The following HAUS4 variants were observed in gnomAD, a reference collection of about 807,000 sequenced individuals.
HAUS4 encodes HAUS augmin like complex subunit 4.
Under a neutral mutation model 50.6 loss-of-function variants are expected in HAUS4, and 34 were observed. The observed-to-expected ratio is 0.67, with a 90% CI of 0.51 to 0.90. HAUS4 has a LOEUF of 0.90. Ranked by LOEUF, HAUS4 falls within the 40% of genes least tolerant of loss-of-function variation. The pLI, the probability that HAUS4 is intolerant of heterozygous loss-of-function variation, is 0.00. For missense variants in HAUS4, 370 were observed against 428.7 expected (o/e 0.86, Z 1.21); for synonymous variants, 149 against 161.4 (o/e 0.92, Z 0.58).
intron 4 of HAUS4, 97 bp from the exon 5 acceptor site, chr14:22,951,786 A>C (rs946612859): frequency 1.8e-6 from 2 of 1,130,820 alleles, no homozygotes; most frequent in African/African-American, 3.1e-5. Flanking sequence ...ACATATTTTC[A>C]AAGTCCTCAA....
intron 2 of HAUS4, among the ~76,000 whole-genome samples, chr14:22,954,882 C>T (rs1468686286): frequency 6.6e-6 from 1 of 152,002 alleles, no homozygotes; most frequent in Non-Finnish European, 1.5e-5. Context: ...CCCACCACCA[C>T]GCCCAGCTAA....
intron 7 of HAUS4, 53 bp downstream of exon 7, chr14:22,947,815 A>G (rs2044672214): frequency 5.6e-6 from 9 of 1,610,934 alleles, no homozygotes; most frequent in Non-Finnish European, 7.6e-6. Context: ...CTTCCCCAAA[A>G]GTGCTCCTGG....
intron 6 of HAUS4, among the ~76,000 whole-genome samples, chr14:22,948,636 A>G (rs563594459): frequency 1.7e-4 from 25 of 149,976 alleles, no homozygotes; most frequent in African/African-American, 6.1e-4. Flanking sequence ...CCCAGGTTCA[A>G]CCAATTCTCC....
intron 6 of HAUS4, 38 bp from the exon 7 acceptor site, chr14:22,948,051 A>C: frequency 6.4e-7 from 1 of 1,551,488 alleles, no homozygotes; most frequent in Non-Finnish European, 8.7e-7. Context: ...GAAAACCCTA[A>C]TCGCTACAAT....
intron 8 of HAUS4, 21 bp downstream of exon 8, chr14:22,947,580 T>C (rs1387746088): frequency 6.2e-7 from 1 of 1,613,338 alleles, no homozygotes; most frequent in Middle Eastern, 1.7e-4. Flanking sequence ...TCCCTTAAGA[T>C]CCACAGGGGT....
chr14:22,948,440 TAA>T (rs35960690), intron 6 of HAUS4, among the ~76,000 whole-genome samples: 6 of 76,970 alleles, frequency 7.8e-5, no homozygotes, highest in Admixed American at 1.6e-4. Flanking sequence ...ACAGAGTTTT[TAA>T]AAAAAAAAAA....
In HAUS4 at chr14:22,947,217, A is replaced by G; in HGVS notation, c.862T>C (p.Ser288Pro). ...KLRMEELKIL[S>P]DTYTVEKVEV... The stretch of plus-strand genomic sequence containing the variant: ...ACTTTCTCAACAGTGTAAGTGTCGG[A>G]CAAAATCTTTAGCTCCTCCATCCTG... The change falls in exon 9 of 10, where the codon TCC becomes CCC. Residue 288 changes from serine to proline, a missense_variant. Transcript: ENST00000541587. 1 of 1,609,580 alleles carries G rather than the reference A, an allele frequency of 6.2e-7. No homozygotes were observed. Among genetic ancestry groups the G allele is most frequent in the Non-Finnish European group, 8.5e-7 (1 of 1,175,814 alleles).
chr14:22,950,373 A>G lies in HAUS4; in HGVS notation c.503T>C (p.Val168Ala). Residue 168 changes from valine to alanine, a missense_variant, in exon 6 of 10, where the codon GTA becomes GCA. Physicochemically the swap from Val to Ala is moderately conservative, Grantham distance 64 (BLOSUM62 0). Transcript: ENST00000541587. The part of the protein sequence containing the change: ...VWMRARLQQE[V>A]EEQLKKKCFT... ...ACATTTCTTTTTGAGCTGCTCCTCTACTTCTTGCTGTAGCCGAGCCCTCAT... is the reference window on the plus strand; with the variant it reads ...ACATTTCTTTTTGAGCTGCTCCTCTGCTTCTTGCTGTAGCCGAGCCCTCAT... The G allele has an allele frequency of 6.2e-7, 1 of 1,613,294 alleles. No homozygotes were observed. The highest frequency in any genetic ancestry group is 1.1e-5 in the South Asian group (1 of 91,056).
chr14:22,951,812 T>C, intron 4 of HAUS4, 123 bp from the exon 5 acceptor site: 1 of 799,940 alleles, frequency 1.3e-6, no homozygotes, highest in Non-Finnish European at 1.9e-6. Context: ...TCATCCCCCC[T>C]CAGATAACTC....
chr14:22,952,489 CCT>C (rs1393392280), intron 3 of HAUS4, 30 bp from the exon 4 acceptor site: 2 of 1,613,608 alleles, frequency 1.2e-6, no homozygotes, highest in Non-Finnish European at 1.7e-6. Flanking sequence ...CAGGTAGGAA[CCT>C]CTCTCTCAGG....
At position 22,952,729 on chromosome 14, in the gene HAUS4, G is replaced by C. The variant is rs761609257; in HGVS notation, c.56-46C>G. On this transcript the variant is annotated intron_variant, in intron 2 of 9. Coordinates refer to ENST00000541587, the MANE Select transcript of HAUS4 (RefSeq NM_001166269.2). Reference sequence around the variant, plus strand: ...GGTACAAAAAAACAAAAAAGGTGTGGACTCTTACTTTACATAACTGAGCAT... The same window carrying C: ...GGTACAAAAAAACAAAAAAGGTGTGCACTCTTACTTTACATAACTGAGCAT... 1.1e-5 allele frequency: 16 copies of C among 1,504,798 alleles called. 1 individual carries two copies. The South Asian group carries it at 2.1e-4, about 20-fold the overall frequency. 93.2% of individuals were successfully genotyped at this position (1,504,798 alleles called of 1,614,324 possible). A position where few individuals can be genotyped will look rare whatever the true frequency, so the allele number is the denominator to read the frequency against.
intron 6 of HAUS4, among the ~76,000 whole-genome samples, chr14:22,948,488 T>C (rs897826592): frequency 1.1e-4 from 17 of 151,108 alleles, no homozygotes; most frequent in African/African-American, 4.1e-4. Context: ...CTCATAATTA[T>C]TAAATAAATT....
In HAUS4 at chr14:22,951,706, A is replaced by G. The variant is rs772698422; in HGVS notation, c.331-17T>C. On this transcript the variant is annotated splice_polypyrimidine_tract_variant and intron_variant, in intron 4 of 9. Coordinates refer to ENST00000541587, the MANE Select transcript of HAUS4 (RefSeq NM_001166269.2). ...CTCATGAAACTGAGAGAGAGAGAAT[A>G]AAAAACAAAAAGAGGCAACTATAAA... 6 of 1,578,622 alleles carry G rather than the reference A, an allele frequency of 3.8e-6. No individual in the cohort carries two copies. The African/African-American group carries it at 8.2e-5, about 22-fold the overall frequency.
intron 2 of HAUS4, 127 bp downstream of exon 2, chr14:22,954,973 C>T (rs993283493): frequency 1.1e-5 from 8 of 745,106 alleles, no homozygotes; most frequent in South Asian, 1.0e-4. Flanking sequence ...GATCCACCCA[C>T]CTCAGCCTCC....
At chr14:22,949,698 C>T (rs1324904518) in intron 6 of HAUS4, among the ~76,000 whole-genome samples, 4 of 152,096 alleles carry the variant, frequency 2.6e-5, no homozygotes, top group Non-Finnish European at 4.4e-5. Context: ...CAAGCTTATA[C>T]AGAGAGTATA....
At chr14:22,947,069 C>A in intron 9 of HAUS4, 102 bp downstream of exon 9, 1 of 806,890 alleles carries the variant, frequency 1.2e-6, no homozygotes. Flanking sequence ...CAGGTGTGAG[C>A]CACTGTGCCC....
Position 22,947,178 on chromosome 14 carries a change from G to A in HAUS4, c.901C>T (p.Leu301=). The A allele has an allele frequency of 6.3e-7, 1 of 1,589,848 alleles. No individual in the cohort carries two copies. The highest frequency in any genetic ancestry group is 8.6e-7 in the Non-Finnish European group (1 of 1,158,234). The change falls in exon 9 of 10, where the codon CTG becomes TTG. Residue 301 remains leucine (L), a synonymous_variant. Transcript: ENST00000541587. ...ACTCTTAGGAGTTCTCACCTAATCA[G>A]ACGATGAACTTCCACTTTCTCAACA... The part of the protein sequence containing the change: ...YTVEKVEVHR[L]IRDRLEGAIH...
At chr14:22,949,827 C>T (rs2145542) in intron 6 of HAUS4, among the ~76,000 whole-genome samples, 65,690 of 151,848 alleles carry the variant, frequency 0.43, 17,458 homozygotes, top group East Asian at 0.79. Context: ...AAAAAGAGTC[C>T]TTACAAAGGT....
In HAUS4 at chr14:22,955,100, CTTG is replaced by C; in HGVS notation, c.52_54del (p.Gln18del). The C allele has an allele frequency of 6.2e-7, 1 of 1,606,250 alleles. No homozygotes were observed. ...ACCTTTTGCAAGTGGCTACTCTTACCTTGTTGAAGTATTTCCATCCCTTCTCCA... is the reference window on the plus strand; with the variant it reads ...ACCTTTTGCAAGTGGCTACTCTTACCTTGAAGTATTTCCATCCCTTCTCCA... On this transcript the variant is annotated inframe_deletion and splice_region_variant, in exon 2 of 10. Coordinates refer to ENST00000541587, the MANE Select transcript of HAUS4 (RefSeq NM_001166269.2).
Sources: allele counts gnomAD v4.1 joint callset (sites outside exome capture counted in the v4.1 genomes callset), GRCh38; gene constraint gnomAD v4.1.1; transcripts MANE v1.5; gene names NCBI Gene and HGNC (gene_info 2026-07-23, HGNC 2026-07-21).